SCP2: variants seen among roughly 807,000 people sequenced by gnomAD.
SCP2 encodes the protein sterol carrier protein 2, also known as SCP-2/3-oxoacyl-CoA thiolase.
Under a neutral mutation model 71.4 loss-of-function variants are expected in SCP2, and 48 were observed. The observed-to-expected ratio is 0.67, with a 90% CI of 0.53 to 0.86. SCP2 has a LOEUF of 0.86. Among genes scored for constraint, SCP2 ranks in the 40% least tolerant of loss-of-function variants. The pLI is 0.00. For synonymous variants in SCP2, 220 were observed against 218.1 expected (o/e 1.01, Z -0.08); for missense variants, 560 against 655.6 (o/e 0.85, Z 1.59).
At chr1:52,943,664 C>A in intron 2 of SCP2, 1 of 433,090 alleles carries the variant, frequency 2.3e-6, no homozygotes, top group Non-Finnish European at 4.5e-6. Flanking sequence ...TTGCAAAGCA[C>A]CAATAGCTGC....
chr1:53,021,317 CTT>C (rs35858975), intron 12 of SCP2, among the ~76,000 whole-genome samples: 9 of 127,340 alleles, frequency 7.1e-5, no homozygotes, highest in Admixed American at 1.6e-4. Flanking sequence ...CCGTCAACCA[CTT>C]TTTTTTTTTT....
chr1:53,048,617 C>T (rs564950347), intron 15 of SCP2: 182 of 156,314 alleles, frequency 1.2e-3, no homozygotes, highest in Non-Finnish European at 1.9e-3. Flanking sequence ...AGCATCAAAG[C>T]ACATCTTATT....
At chr1:52,962,728 C>A (rs1159502040) in intron 6 of SCP2, among the ~76,000 whole-genome samples, 2 of 152,202 alleles carry the variant, frequency 1.3e-5, no homozygotes, top group East Asian at 3.9e-4. Context: ...AGAGCCAGCT[C>A]CCTTGCTTCC....
At chr1:52,984,859 G>A (rs1456854838) in intron 10 of SCP2, among the ~76,000 whole-genome samples, 2 of 129,950 alleles carry the variant, frequency 1.5e-5, no homozygotes, top group Non-Finnish European at 3.2e-5. Context: ...TTTTTTTTCC[G>A]AGACAGTTTT....
In SCP2 at chr1:53,014,779, C is replaced by G; in HGVS notation, c.1082-111C>G. 9.0e-6 allele frequency: 11 copies of G among 1,225,112 alleles called. No homozygotes were observed. The South Asian group carries it at 1.4e-4, about 16-fold the overall frequency. 75.9% of individuals were successfully genotyped at this position (1,225,112 alleles called of 1,614,324 possible). A position where few individuals can be genotyped will look rare whatever the true frequency, so the allele number is the denominator to read the frequency against. ...GTTTTAAGAGAAGTTACTATTTACA[C>G]AAACGTGGCCTCGGCTTAATCAAAT... On this transcript the variant is annotated intron_variant, in intron 11 of 15. Transcript: ENST00000371514.
intron 1 of SCP2, among the ~76,000 whole-genome samples, chr1:52,930,315 A>G (rs917082396): frequency 2.5e-4 from 29 of 117,854 alleles, no homozygotes; most frequent in African/African-American, 7.5e-4. Context: ...CCTAAAGTAT[A>G]TCTTAAAAAA....
chr1:52,979,168 A>C (rs914499690), intron 9 of SCP2, among the ~76,000 whole-genome samples: 4 of 151,800 alleles, frequency 2.6e-5, no homozygotes, highest in Non-Finnish European at 5.9e-5. Context: ...CCACAGTTTT[A>C]TTTCTTTTTC....
chr1:52,962,919 AT>A (rs1656606899), intron 6 of SCP2, among the ~76,000 whole-genome samples: 1 of 151,902 alleles, frequency 6.6e-6, no homozygotes, highest in African/African-American at 2.4e-5. Flanking sequence ...ATATATATAT[AT>A]ATTCTTGTTT....
chr1:52,937,131 G>T (rs1653814541), intron 1 of SCP2, among the ~76,000 whole-genome samples: 1 of 151,968 alleles, frequency 6.6e-6, no homozygotes, highest in Non-Finnish European at 1.5e-5. Context: ...GGCAGAAAAG[G>T]TCTGATCCTT....
intron 3 of SCP2, among the ~76,000 whole-genome samples, chr1:52,948,787 A>G (rs567165812): frequency 2.7e-4 from 41 of 152,180 alleles, no homozygotes; most frequent in African/African-American, 9.6e-4. Context: ...ATAAAATAAG[A>G]TGATTTATGT....
intron 1 of SCP2, among the ~76,000 whole-genome samples, chr1:52,932,909 A>T (rs762174506): frequency 9.2e-5 from 14 of 152,206 alleles, no homozygotes; most frequent in Non-Finnish European, 1.6e-4. Flanking sequence ...TACAGATGTA[A>T]TACAGAAGGG....
At chr1:53,013,106 CT>C (rs754111443) in intron 11 of SCP2, among the ~76,000 whole-genome samples, 2,512 of 104,618 alleles carry the variant, frequency 0.024, 29 homozygotes, top group African/African-American at 0.085. Context: ...GTGGAGCTAC[CT>C]TTTTTTTTTT....
rs1208372416 is a variant in SCP2 at position 52,960,590 on chromosome 1, A to ATATGTATATATG, written c.397-897_397-886dup. Among the ~76,000 whole-genome samples the ATATGTATATATG allele has an allele frequency of 1.8e-3, 261 of 145,764 alleles. 1 individual carries two copies. The highest frequency in any genetic ancestry group is 6.0e-3 in the African/African-American group (235 of 38,888). On this transcript the variant is annotated intron_variant, in intron 5 of 15. Transcript: ENST00000371514. ...TGTATATATATGTATATATGTATGT[A>ATATGTATATATG]TATGTATATATGTATGTATATATGT...
chr1:53,007,152 A>G (rs1250651928), intron 11 of SCP2, among the ~76,000 whole-genome samples: 1 of 152,210 alleles, frequency 6.6e-6, no homozygotes, highest in Non-Finnish European at 1.5e-5. Context: ...AGACCTACAA[A>G]GAGAATTAGA....
At chr1:52,985,568 G>T (rs183358235) in intron 10 of SCP2, among the ~76,000 whole-genome samples, 2,118 of 152,268 alleles carry the variant, frequency 0.014, 29 homozygotes, top group Non-Finnish European at 0.017. Flanking sequence ...CCAGACTGAA[G>T]CTAGAATGTG....
chr1:52,995,213 T>C (rs908911005), intron 11 of SCP2: 14 of 501,720 alleles, frequency 2.8e-5, no homozygotes, highest in African/African-American at 2.7e-4. Flanking sequence ...ATGAACACCC[T>C]CAGTGTGGTG....
chr1:52,977,478 A>C (rs568699198), intron 8 of SCP2, among the ~76,000 whole-genome samples: 159 of 152,380 alleles, frequency 1.0e-3, no homozygotes, highest in African/African-American at 3.5e-3. Flanking sequence ...ATGGTTTTGT[A>C]TTCCCAAGCT....
At chr1:52,949,442 G>C (rs1655098035) in intron 3 of SCP2, among the ~76,000 whole-genome samples, 1 of 152,300 alleles carries the variant, frequency 6.6e-6, no homozygotes, top group Non-Finnish European at 1.5e-5. Context: ...ACTCAGCAAG[G>C]CCATTTTAAC....
chr1:52,997,595 G>A (rs1213318582), intron 11 of SCP2, among the ~76,000 whole-genome samples: 1 of 152,110 alleles, frequency 6.6e-6, no homozygotes, highest in East Asian at 1.9e-4. Context: ...AATCCATAGA[G>A]ACAGAAAATA....
Sources: gnomAD v4.1 joint callset for allele counts (sites outside exome capture counted in the v4.1 genomes callset) on GRCh38, gnomAD v4.1.1 for gene constraint, MANE v1.5 for transcripts, NCBI Gene and HGNC (gene_info 2026-07-23, HGNC 2026-07-21) for gene names.